SLC16A4: variants seen among roughly 807,000 people sequenced by gnomAD.
SLC16A4 encodes probable monocarboxylate transporter 5.
In SLC16A4, 39 loss-of-function variants were observed where a neutral mutation model predicts 47.9. That is an observed-to-expected ratio of 0.81 (90% CI 0.63 to 1.06). SLC16A4 has a LOEUF of 1.06. SLC16A4 is among the 50% of genes least tolerant of loss of function. The pLI is 0.00. For synonymous variants in SLC16A4, 189 were observed against 199.9 expected (o/e 0.95, Z 0.46); for missense variants, 524 against 573.8 (o/e 0.91, Z 0.89).
chr1:110,380,626 T>G (rs929217039), intron 5 of SLC16A4, among the ~76,000 whole-genome samples: 1 of 8,130 alleles, frequency 1.2e-4, no homozygotes, highest in Non-Finnish European at 2.3e-4. Context: ...GGGTTTTTGA[T>G]GGGGCGGGGG....
chr1:110,367,093 C>T (rs1046330266), intron 8 of SLC16A4, among the ~76,000 whole-genome samples: 12 of 152,204 alleles, frequency 7.9e-5, no homozygotes, highest in African/African-American at 2.9e-4. Context: ...TTGTTAAAAT[C>T]AAGCTTATAT....
chr1:110,368,630 A>G (rs1486381371), intron 8 of SLC16A4, among the ~76,000 whole-genome samples: 1 of 152,242 alleles, frequency 6.6e-6, no homozygotes, highest in Non-Finnish European at 1.5e-5. Context: ...TGGCTATAGG[A>G]CTTGTTTTAG....
At chr1:110,370,373 A>C (rs756757656) in intron 8 of SLC16A4, 1 of 152,122 alleles carries the variant, frequency 6.6e-6, no homozygotes, top group Non-Finnish European at 1.5e-5. Context: ...GAAATTCGCA[A>C]TTGATAGGCC....
rs532521833 is a variant in SLC16A4, at chr1:110,381,716, T to A, written c.300A>T (p.Gly100=). The A allele has an allele frequency of 1.2e-6, 2 of 1,613,646 alleles. No individual in the cohort carries two copies. Among genetic ancestry groups the A allele is most frequent in the South Asian group, 2.2e-5 (2 of 91,022 alleles). Residue 100 remains glycine (G), a synonymous_variant, in exon 4 of 9, where the codon GGA becomes GGT. Coordinates refer to ENST00000369779, the MANE Select transcript of SLC16A4 (RefSeq NM_004696.3). ...SILGAFVVTG[G]YLISSWATSI... is the part of the protein sequence containing the mutation. ...TTGTGGCCCAGCTGCTGATCAGATA[T>A]CCACCAGTAACAACGAAAGCCCCAA... is the stretch of plus-strand genomic sequence containing the variant.
Position 110,376,994 on chromosome 1 carries a change from C to G in SLC16A4, c.1198G>C (p.Ala400Pro). The G allele has an allele frequency of 6.2e-7, 1 of 1,614,076 alleles. No homozygotes were observed. Among genetic ancestry groups the G allele is most frequent in the Non-Finnish European group, 8.5e-7 (1 of 1,179,988 alleles). Residue 400 changes from alanine to proline, a missense_variant, in exon 7 of 9, where the codon GCC (alanine) becomes CCC (proline). By Grantham distance (27) the Ala-to-Pro change is conservative. Coordinates refer to ENST00000369779, the MANE Select transcript of SLC16A4 (RefSeq NM_004696.3). ...GCCAGGTAACCACCAGCAAAGATGG[C>G]AAAGCAGATGGTGTAGGTCATAAGT... ...PLLMTYTICF[A>P]IFAGGYLALI...
chr1:110,363,813 A>AT lies in SLC16A4; in HGVS notation c.1416_1417insA (p.Phe473IlefsTer27), dbSNP rs1557898509. The AT allele has an allele frequency of 4.3e-6, 7 of 1,612,294 alleles. No individual in the cohort carries two copies. Among genetic ancestry groups the AT allele is most frequent in the South Asian group, 1.1e-5 (1 of 90,542 alleles). On this transcript the variant is annotated frameshift_variant, in exon 9 of 9. Transcript: ENST00000369779. LOFTEE classifies it high-confidence loss of function. ...CTTTCGGCCAATGGTACAAAAAAAAAGGAAACTGAAGAGAGGAGATAGCAT... is the reference window on the plus strand; with the variant it reads ...CTTTCGGCCAATGGTACAAAAAAAAATGGAAACTGAAGAGAGGAGATAGCAT...
rs757190959 is a variant in SLC16A4, at chr1:110,379,352, G to C, written c.531C>G (p.Ala177=). 5 of 1,595,472 alleles carry C rather than the reference G, an allele frequency of 3.1e-6. No individual in the cohort carries two copies. Among genetic ancestry groups the C allele is most frequent in the Admixed American group, 1.7e-5 (1 of 58,386 alleles). Residue 177 remains alanine (A), a synonymous_variant, in exon 6 of 9, where the codon GCC becomes GCG. Coordinates refer to ENST00000369779, the MANE Select transcript of SLC16A4 (RefSeq NM_004696.3). ...FLIDLYDWTG[A]LILFGAIALN... ...ATGCGATAGCTCCAAATAATATAAG[G>C]GCTCCTAAATAGGGAGAGATTGAGC...
chr1:110,376,219 A>G (rs1661991460), intron 7 of SLC16A4, among the ~76,000 whole-genome samples: 1 of 152,160 alleles, frequency 6.6e-6, no homozygotes, highest in Non-Finnish European at 1.5e-5. Context: ...AGTATCAACC[A>G]TTGGTTTGTA....
intron 8 of SLC16A4, among the ~76,000 whole-genome samples, chr1:110,365,694 C>T (rs1305503150): frequency 1.3e-5 from 2 of 152,194 alleles, no homozygotes; most frequent in Admixed American, 1.3e-4. Flanking sequence ...AGTCCTTACC[C>T]TCCCATCCCT....
intron 3 of SLC16A4, 90 bp downstream of exon 3, chr1:110,382,744 C>G: frequency 1.6e-6 from 2 of 1,278,656 alleles, no homozygotes; most frequent in Non-Finnish European, 2.1e-6. Context: ...ATTTTAGAAA[C>G]TGAATTCCTA....
intron 8 of SLC16A4, chr1:110,373,066 T>G (rs1661770105): frequency 6.6e-6 from 1 of 152,220 alleles, no homozygotes; most frequent in African/African-American, 2.4e-5. Flanking sequence ...CCAACAAATT[T>G]ATTTCAGAAC....
chr1:110,363,826 G>A lies in SLC16A4; in HGVS notation c.1404C>T (p.Leu468=). The A allele has an allele frequency of 6.2e-7, 1 of 1,613,190 alleles. No individual in the cohort carries two copies. The highest frequency in any genetic ancestry group is 2.2e-5 in the East Asian group (1 of 44,836). The part of the protein sequence containing the change: ...SFYFSGICYL[L]SSVSFFFVPL... The stretch of plus-strand genomic sequence containing the variant: ...GTACAAAAAAAAAGGAAACTGAAGA[G>A]AGGAGATAGCATATGCCAGAGAAGT... Residue 468 remains leucine (L), a synonymous_variant, in exon 9 of 9, where the codon CTC becomes CTT. Coordinates refer to ENST00000369779, the MANE Select transcript of SLC16A4 (RefSeq NM_004696.3).
chr1:110,383,607 A>G (rs1662550362), intron 2 of SLC16A4, among the ~76,000 whole-genome samples: 1 of 152,028 alleles, frequency 6.6e-6, no homozygotes, highest in African/African-American at 2.4e-5. Flanking sequence ...TATCTCAAGC[A>G]CTGATCTTAG....
Position 110,381,919 on chromosome 1 carries a change from T to C in SLC16A4, c.221-124A>G, listed in dbSNP as rs977882538. The stretch of plus-strand genomic sequence containing the variant: ...ACTGTTTACTTTGAAGTATTACGTA[T>C]TCTTCAAAAAAGATTTTCATATCGG... On this transcript the variant is annotated intron_variant, in intron 3 of 8. Transcript: ENST00000369779. 22 of 918,966 alleles carry C rather than the reference T, an allele frequency of 2.4e-5. No individual in the cohort carries two copies. The African/African-American group carries it at 3.3e-4, about 14-fold the overall frequency. The allele number at this position is 918,966 out of a possible 1,614,324, so 56.9% of individuals were successfully genotyped here. A position where few individuals can be genotyped will look rare whatever the true frequency, so the allele number is the denominator to read the frequency against.
At chr1:110,378,076 G>A (rs188914803) in intron 6 of SLC16A4, among the ~76,000 whole-genome samples, 103 of 152,292 alleles carry the variant, frequency 6.8e-4, no homozygotes, top group Middle Eastern at 3.4e-3. Context: ...TGATCCACCT[G>A]CCTCGGCCTC....
chr1:110,369,539 A>G (rs1661581140), intron 8 of SLC16A4, among the ~76,000 whole-genome samples: 1 of 152,098 alleles, frequency 6.6e-6, no homozygotes. Context: ...AAGTGAGCCA[A>G]GATTGCACCA....
At chr1:110,367,706 AATATAT>A (rs748268052) in intron 8 of SLC16A4, among the ~76,000 whole-genome samples, 1 of 151,600 alleles carries the variant, frequency 6.6e-6, no homozygotes, top group Non-Finnish European at 1.5e-5. Flanking sequence ...AAAAATTTAA[AATATAT>A]ATATATAGGG....
intron 5 of SLC16A4, 44 bp from the exon 6 acceptor site, chr1:110,379,400 C>A: frequency 6.5e-7 from 1 of 1,535,520 alleles, no homozygotes; most frequent in South Asian, 1.2e-5. Flanking sequence ...CCTTTCAGTT[C>A]ACAATACTGC....
Position 110,381,655 on chromosome 1 carries a change from G to A in SLC16A4, c.361C>T (p.Pro121Ser). ...PFLCVTMGLL[P>S]GLGSAFLYQV... is the part of the protein sequence containing the mutation. Reference sequence around the variant, plus strand: ...CACATAATTACAATGGACTCACCGGGTAGAAGTCCCATAGTCACACAAAGA... The same window carrying A: ...CACATAATTACAATGGACTCACCGGATAGAAGTCCCATAGTCACACAAAGA... Residue 121 changes from proline (P) to serine (S), a missense_variant, in exon 4 of 9, where the codon CCC becomes TCC. Pro to Ser is a moderately conservative substitution (Grantham distance 74, BLOSUM62 -1). Transcript: ENST00000369779. The A allele has an allele frequency of 3.1e-6, 5 of 1,611,204 alleles. No homozygotes were observed. Among genetic ancestry groups the A allele is most frequent in the Non-Finnish European group, 4.2e-6 (5 of 1,179,346 alleles).
Sources: gnomAD v4.1 joint callset for allele counts (sites outside exome capture counted in the v4.1 genomes callset) on GRCh38, gnomAD v4.1.1 for gene constraint, MANE v1.5 for transcripts, NCBI Gene and HGNC (gene_info 2026-07-23, HGNC 2026-07-21) for gene names.